The following ATF7 variants were observed in gnomAD, a reference collection of about 807,000 sequenced individuals.
ATF7 encodes the protein activating transcription factor 7.
In ATF7, 10 loss-of-function variants were observed where a neutral mutation model predicts 50.4. The ratio of observed to expected loss-of-function variants is 0.20; its 90% confidence interval spans 0.12 to 0.34. The LOEUF (loss-of-function observed/expected upper bound fraction) is 0.34. Ranked by LOEUF, ATF7 falls within the 10% of genes least tolerant of loss-of-function variation. The pLI is 1.00. For missense variants in ATF7, 465 were observed against 613.9 expected (o/e 0.76, Z 2.56); for synonymous variants, 201 against 226.4 (o/e 0.89, Z 1.01).
rs767748563 is a variant in ATF7 at position 53,602,334 on chromosome 12, T to A, written c.-21-1313A>T. ...GTCAGGACAATCTGTCAGGCTCGCG[T>A]TGAAATAAAATGTTAACGTGCTAGA... On this transcript the variant is annotated intron_variant, in intron 1 of 11. Transcript: ENST00000420353. Among the ~76,000 whole-genome samples, 30 of 152,192 alleles carry A rather than the reference T, an allele frequency of 2.0e-4. 1 individual carries two copies. Among genetic ancestry groups the A allele is most frequent in the Non-Finnish European group, 4.4e-5 (3 of 68,026 alleles).
intron 9 of ATF7, among the ~76,000 whole-genome samples, chr12:53,529,704 T>C (rs1023914668): frequency 6.8e-4 from 50 of 73,322 alleles, no homozygotes; most frequent in African/African-American, 1.8e-3. Context: ...CATATATATA[T>C]ACACATACAC....
intron 7 of ATF7, 136 bp from the exon 8 acceptor site, chr12:53,532,759 G>T: frequency 1.6e-6 from 1 of 628,178 alleles, no homozygotes; most frequent in Non-Finnish European, 2.8e-6. Context: ...CATAGGGCGT[G>T]CAGGGACAGC....
At chr12:53,533,583 C>T (rs1025241321) in intron 6 of ATF7, among the ~76,000 whole-genome samples, 2 of 152,180 alleles carry the variant, frequency 1.3e-5, no homozygotes, top group Non-Finnish European at 2.9e-5. Context: ...GGATCAAAGT[C>T]GTCATTTTGC....
chr12:53,535,298 C>G (rs1939148609), intron 5 of ATF7, among the ~76,000 whole-genome samples: 1 of 144,968 alleles, frequency 6.9e-6, no homozygotes, highest in Non-Finnish European at 1.5e-5. Context: ...CCACTGCACT[C>G]CAGCCTGGCG....
At chr12:53,583,848 G>A (rs1005681844) in intron 2 of ATF7, among the ~76,000 whole-genome samples, 1 of 152,166 alleles carries the variant, frequency 6.6e-6, no homozygotes, top group Non-Finnish European at 1.5e-5. Context: ...AAACTGAACA[G>A]TAAGAAAATG....
At chr12:53,582,874 G>A (rs977638827) in intron 2 of ATF7, among the ~76,000 whole-genome samples, 5 of 152,112 alleles carry the variant, frequency 3.3e-5, no homozygotes, top group East Asian at 1.9e-4. Flanking sequence ...GTGAGCCACC[G>A]CACCTGGCCA....
At chr12:53,624,949 G>A (rs1593023162) in intron 1 of ATF7, among the ~76,000 whole-genome samples, 1 of 152,168 alleles carries the variant, frequency 6.6e-6, no homozygotes, top group South Asian at 2.1e-4. Context: ...GACTGATATC[G>A]CTACAAGAAT....
At chr12:53,606,079 A>G (rs1051851855) in intron 1 of ATF7, among the ~76,000 whole-genome samples, 1 of 152,162 alleles carries the variant, frequency 6.6e-6, no homozygotes, top group African/African-American at 2.4e-5. Context: ...CCCAAATAAC[A>G]TGAAGCTCTG....
At chr12:53,593,540 A>C (rs1450530759) in intron 2 of ATF7, among the ~76,000 whole-genome samples, 1 of 152,138 alleles carries the variant, frequency 6.6e-6, no homozygotes, top group East Asian at 1.9e-4. Context: ...CTTGTACCTT[A>C]TTCATAATGT....
At chr12:53,535,810 T>A (rs1939185553) in intron 5 of ATF7, among the ~76,000 whole-genome samples, 1 of 152,128 alleles carries the variant, frequency 6.6e-6, no homozygotes, top group Non-Finnish European at 1.5e-5. Flanking sequence ...CTTTCTCACT[T>A]ATTAATTGAA....
intron 3 of ATF7, among the ~76,000 whole-genome samples, chr12:53,551,229 A>G (rs1330585486): frequency 6.6e-6 from 1 of 152,094 alleles, no homozygotes; most frequent in Non-Finnish European, 1.5e-5. Flanking sequence ...GCACGGTCAT[A>G]GCACACTATA....
intron 1 of ATF7, among the ~76,000 whole-genome samples, chr12:53,624,019 T>TGCTA (rs1311139189): frequency 2.0e-5 from 3 of 152,240 alleles, no homozygotes; most frequent in Non-Finnish European, 4.4e-5. Context: ...TCTAGCTTTC[T>TGCTA]GCTAGATGGT....
intron 1 of ATF7, among the ~76,000 whole-genome samples, chr12:53,620,087 T>C (rs1944312793): frequency 6.6e-6 from 1 of 151,978 alleles, no homozygotes; most frequent in Non-Finnish European, 1.5e-5. Flanking sequence ...AGCTGCAGTA[T>C]GAGCCATGAT....
chr12:53,532,836 T>C (rs1938988485), intron 7 of ATF7, among the ~76,000 whole-genome samples: 1 of 152,150 alleles, frequency 6.6e-6, no homozygotes, highest in Admixed American at 6.6e-5. Flanking sequence ...TGGGGCAATT[T>C]CTGTGGGAAG....
At chr12:53,540,114 A>G (rs1199964977) in intron 4 of ATF7, among the ~76,000 whole-genome samples, 1 of 151,994 alleles carries the variant, frequency 6.6e-6, no homozygotes, top group Admixed American at 6.6e-5. Flanking sequence ...GCACTTTGGG[A>G]AGCTGAGGTG....
chr12:53,618,093 GTTTT>G (rs1480976932), intron 1 of ATF7, among the ~76,000 whole-genome samples: 3 of 152,176 alleles, frequency 2.0e-5, no homozygotes, highest in Non-Finnish European at 4.4e-5. Context: ...GTTGATTTTT[GTTTT>G]GTTTTTAGCT....
chr12:53,509,794 C>A (rs548235588), downstream of ATF7, among the ~76,000 whole-genome samples: 2 of 152,170 alleles, frequency 1.3e-5, no homozygotes, highest in African/African-American at 4.8e-5. Flanking sequence ...GCGTGAGCCA[C>A]CGCACCTGGC....
intron 5 of ATF7, 90 bp downstream of exon 5, chr12:53,537,324 CT>C (rs1203964658): frequency 6.8e-7 from 1 of 1,468,936 alleles, no homozygotes; most frequent in Non-Finnish European, 9.2e-7. Context: ...CCATCTTGGC[CT>C]CCTGAGTAGT....
chr12:53,538,267 A>G (rs776725051), intron 4 of ATF7, among the ~76,000 whole-genome samples: 2 of 152,206 alleles, frequency 1.3e-5, no homozygotes, highest in Non-Finnish European at 2.9e-5. Flanking sequence ...TTCTCTGCCA[A>G]CAAGGATTAC....
Sources: allele counts gnomAD v4.1 joint callset (sites outside exome capture counted in the v4.1 genomes callset), GRCh38; gene constraint gnomAD v4.1.1; transcripts MANE v1.5; gene names NCBI Gene and HGNC (gene_info 2026-07-23, HGNC 2026-07-21).